The following COL28A1 variants were observed in gnomAD, a reference collection of about 807,000 sequenced individuals.
The protein encoded by COL28A1 is collagen type XXVIII alpha 1 chain.
COL28A1 carries 161 observed loss-of-function variants against 150.2 expected under a neutral mutation model. The observed-to-expected ratio is 1.07, with a 90% CI of 0.94 to 1.22. The LOEUF is 1.22. Among genes scored for constraint, COL28A1 ranks in the 50% most tolerant of loss-of-function variants. COL28A1 has a pLI of 0.00. For synonymous variants in COL28A1, 552 were observed against 469.7 expected, an observed-to-expected ratio of 1.18 and a Z score of -2.26; for missense variants, 1,617 against 1,388.3, an observed-to-expected ratio of 1.16 and a Z score of -2.62.
At chr7:7,397,648 C>A (rs115674713) in intron 27 of COL28A1, among the ~76,000 whole-genome samples, 2,210 of 152,286 alleles carry the variant, frequency 0.015, 46 homozygotes, top group African/African-American at 0.049. Flanking sequence ...ATTCAGTAGT[C>A]CACACTTCTC....
At chr7:7,459,221 T>C (rs978942138) in intron 15 of COL28A1, among the ~76,000 whole-genome samples, 1 of 152,216 alleles carries the variant, frequency 6.6e-6, no homozygotes, top group Non-Finnish European at 1.5e-5. Context: ...ACTGAACTCA[T>C]AAAACAATGG....
At chr7:7,355,395 A>G (rs1410769444), downstream of COL28A1, among the ~76,000 whole-genome samples, 1 of 152,086 alleles carries the variant, frequency 6.6e-6, no homozygotes, top group African/African-American at 2.4e-5. Context: ...GGATCACTTG[A>G]GGCCAGGAGT....
At chr7:7,441,524 G>GAAAAAA (rs55984344) in intron 20 of COL28A1, among the ~76,000 whole-genome samples, 1 of 139,058 alleles carries the variant, frequency 7.2e-6, no homozygotes, top group Non-Finnish European at 1.6e-5. Context: ...CTCAACAAAC[G>GAAAAAA]AAAAAAAAAA....
intron 13 of COL28A1, among the ~76,000 whole-genome samples, chr7:7,488,714 T>G (rs1339535824): frequency 6.6e-6 from 1 of 152,216 alleles, no homozygotes; most frequent in African/African-American, 2.4e-5. Context: ...ACTCATGGAT[T>G]AGATAATGAG....
At chr7:7,438,295 T>G (rs760362602) in intron 21 of COL28A1, among the ~76,000 whole-genome samples, 15 of 152,128 alleles carry the variant, frequency 9.9e-5, no homozygotes, top group Non-Finnish European at 2.2e-4. Flanking sequence ...ACATTTTTAA[T>G]AGAAAATTTT....
intron 13 of COL28A1, among the ~76,000 whole-genome samples, 192 bp downstream of exon 13, chr7:7,489,197 G>A (rs1036690010): frequency 6.6e-6 from 1 of 152,156 alleles, no homozygotes; most frequent in East Asian, 1.9e-4. Context: ...TTGCACCCAG[G>A]AGGTGGTGGT....
chr7:7,453,684 A>G (rs1311889573), intron 16 of COL28A1, among the ~76,000 whole-genome samples, 176 bp from the exon 17 acceptor site: 1 of 152,110 alleles, frequency 6.6e-6, no homozygotes, highest in Non-Finnish European at 1.5e-5. Flanking sequence ...CTATTTCCAT[A>G]TTAATAGAAA....
intron 30 of COL28A1, among the ~76,000 whole-genome samples, chr7:7,375,768 C>A (rs1781507980): frequency 6.6e-6 from 1 of 152,152 alleles, no homozygotes; most frequent in Non-Finnish European, 1.5e-5. Context: ...GCATTTGGTG[C>A]CCTAACAGTA....
intron 27 of COL28A1, among the ~76,000 whole-genome samples, chr7:7,405,364 G>A (rs931492181): frequency 4.6e-5 from 7 of 152,198 alleles, no homozygotes; most frequent in East Asian, 3.9e-4. Context: ...ATAGATTGAC[G>A]TCTGTGGAAG....
chr7:7,417,778 A>G lies in COL28A1; in HGVS notation c.2136+81T>C, dbSNP rs1295373847. The G allele has an allele frequency of 3.4e-6, 4 of 1,188,396 alleles. No homozygotes were observed. In the African/African-American group the frequency reaches 6.0e-5, roughly 18 times the overall value. The allele number at this position is 1,188,396 out of a possible 1,614,324, so 73.6% of individuals were successfully genotyped here. A position where few individuals can be genotyped will look rare whatever the true frequency, so the allele number is the denominator to read the frequency against. ...ACAATAAATCTATTTCATAATAGCC[A>G]TTTTTGCGTTATCTACAACCTCTTC... On this transcript the variant is annotated intron_variant, in intron 27 of 34. Transcript: ENST00000399429.
At chr7:7,499,210 C>T (rs778078080) in intron 11 of COL28A1, among the ~76,000 whole-genome samples, 1 of 152,058 alleles carries the variant, frequency 6.6e-6, no homozygotes, top group Admixed American at 6.6e-5. Flanking sequence ...CAGACTTTGA[C>T]GTCTTTGAAG....
At chr7:7,402,136 C>T (rs1783241447) in intron 27 of COL28A1, among the ~76,000 whole-genome samples, 4 of 152,200 alleles carry the variant, frequency 2.6e-5, no homozygotes, top group Admixed American at 2.6e-4. Flanking sequence ...ACTTTAAAAT[C>T]TACCATCAAT....
intron 22 of COL28A1, 113 bp downstream of exon 22, chr7:7,437,281 A>G: frequency 7.0e-7 from 1 of 1,424,076 alleles, no homozygotes; most frequent in Non-Finnish European, 9.2e-7. Flanking sequence ...GTTAAACGGA[A>G]TCATTTCTAA....
At chr7:7,481,932 G>C (rs1233016804) in intron 13 of COL28A1, among the ~76,000 whole-genome samples, 2 of 151,622 alleles carry the variant, frequency 1.3e-5, no homozygotes, top group East Asian at 1.9e-4. Flanking sequence ...AAAACAAACA[G>C]ATCACCCTGA....
At chr7:7,403,050 G>C (rs530433739) in intron 27 of COL28A1, among the ~76,000 whole-genome samples, 2 of 152,162 alleles carry the variant, frequency 1.3e-5, no homozygotes, top group Admixed American at 1.3e-4. Context: ...CTCATGGTGT[G>C]AGAAGTGCTA....
chr7:7,410,095 G>A (rs968713585), intron 27 of COL28A1, among the ~76,000 whole-genome samples: 5 of 152,086 alleles, frequency 3.3e-5, no homozygotes, highest in African/African-American at 9.7e-5. Context: ...TGGTCCAGGA[G>A]GAAAATGAAA....
chr7:7,374,433 T>C (rs1409941331), intron 31 of COL28A1, among the ~76,000 whole-genome samples: 1 of 152,136 alleles, frequency 6.6e-6, no homozygotes, highest in African/African-American at 2.4e-5. Flanking sequence ...ATGTCTCCAG[T>C]CACCCACAAT....
rs1402568817 is a variant in COL28A1 at position 7,452,460 on chromosome 7, G to A, written c.1441-73C>T. The stretch of plus-strand genomic sequence containing the variant: ...TCCTGCTGTTGATCTCCTAAAACCT[G>A]TCTTATATCAACAAAGTAAAACAGT... On this transcript the variant is annotated intron_variant, in intron 17 of 34. Transcript: ENST00000399429. 1.1e-5 allele frequency: 17 copies of A among 1,516,388 alleles called. No homozygotes were observed. The African/African-American group carries it at 1.4e-4, about 13-fold the overall frequency. 93.9% of individuals were successfully genotyped at this position (1,516,388 alleles called of 1,614,324 possible). A position where few individuals can be genotyped will look rare whatever the true frequency, so the allele number is the denominator to read the frequency against.
chr7:7,370,600 G>A, intron 33 of COL28A1, 125 bp downstream of exon 33: 2 of 628,712 alleles, frequency 3.2e-6, no homozygotes, highest in Non-Finnish European at 5.2e-6. Flanking sequence ...AACATTTAGA[G>A]CCAAGGACCT....
Sources: allele counts gnomAD v4.1 joint callset (sites outside exome capture counted in the v4.1 genomes callset), GRCh38; gene constraint gnomAD v4.1.1; transcripts MANE v1.5; gene names NCBI Gene and HGNC (gene_info 2026-07-23, HGNC 2026-07-21).